LINC02747: variants seen among roughly 807,000 people sequenced by gnomAD.
The protein encoded by LINC02747 is CCND1-upstream intergenic DNA repair 2.
chr11:69,476,853 T>G (rs1857000708), exon 2 of LINC02747: 1 of 152,126 alleles, frequency 6.6e-6, no homozygotes, highest in Admixed American at 6.5e-5. Context: ...ACATAGCGGG[T>G]GAGGGTTCCT....
At chr11:69,481,125 G>A (rs958881839) in intron 1 of LINC02747, among the ~76,000 whole-genome samples, 9 of 152,210 alleles carry the variant, frequency 5.9e-5, no homozygotes, top group East Asian at 1.9e-4. Flanking sequence ...CCCTCCTTCC[G>A]TCAGAGCAGC....
chr11:69,480,354 G>A (rs114133739), intron 1 of LINC02747, among the ~76,000 whole-genome samples: 245 of 152,302 alleles, frequency 1.6e-3, no homozygotes, highest in African/African-American at 5.6e-3. Context: ...CTGTGCTGGC[G>A]TGGAGAGGAG....
rs143296527 is a variant in LINC02747, at chr11:69,478,119, C to T, written n.121-506G>A. 1.1e-4 allele frequency among the ~76,000 whole-genome samples: 16 copies of T among 152,284 alleles called. 1 individual carries two copies. The East Asian group carries it at 2.1e-3, about 20-fold the overall frequency. On this transcript the variant is annotated intron_variant and non_coding_transcript_variant, in intron 1 of 1. Coordinates refer to ENST00000645449, the Ensembl canonical transcript of LINC02747. ...ATAACAAAATGGCTGCAGGTCATGC[C>T]GCTGCTCCATAGAAAACAGACCGGG...
At chr11:69,476,612 G>A (rs965664815) in exon 2 of LINC02747, 1 of 152,136 alleles carries the variant, frequency 6.6e-6, no homozygotes, top group Non-Finnish European at 1.5e-5. Context: ...CTGGGAGGAA[G>A]CCCATCTCTG....
At chr11:69,476,491 G>C (rs569061203) in exon 2 of LINC02747, 2 of 151,962 alleles carry the variant, frequency 1.3e-5, no homozygotes, top group African/African-American at 4.8e-5. Flanking sequence ...CCGAGAACCC[G>C]ATCACAGGCC....
chr11:69,480,711 G>C (rs1171262676), intron 1 of LINC02747, among the ~76,000 whole-genome samples: 1 of 152,232 alleles, frequency 6.6e-6, no homozygotes, highest in African/African-American at 2.4e-5. Flanking sequence ...GGTCACCACA[G>C]TGAGGACTCT....
At chr11:69,480,457 A>G (rs1857038642) in intron 1 of LINC02747, among the ~76,000 whole-genome samples, 1 of 152,190 alleles carries the variant, frequency 6.6e-6, no homozygotes, top group African/African-American at 2.4e-5. Context: ...TGCTGGAAAA[A>G]AAATTGCTCA....
intron 1 of LINC02747, among the ~76,000 whole-genome samples, chr11:69,478,330 C>T (rs147046781): frequency 6.6e-5 from 10 of 152,150 alleles, no homozygotes; most frequent in African/African-American, 9.6e-5. Context: ...GCACAGGTAC[C>T]GAGAGGGATC....
chr11:69,480,671 C>T (rs1565190941), intron 1 of LINC02747, among the ~76,000 whole-genome samples: 1 of 152,208 alleles, frequency 6.6e-6, no homozygotes, highest in Non-Finnish European at 1.5e-5. Flanking sequence ...ACTCCTCTTC[C>T]CTGCTATGAA....
At chr11:69,480,181 C>T (rs1590866961) in intron 1 of LINC02747, among the ~76,000 whole-genome samples, 1 of 152,192 alleles carries the variant, frequency 6.6e-6, no homozygotes, top group Non-Finnish European at 1.5e-5. Flanking sequence ...TTGGCCTCCT[C>T]TCTCCCAGGG....
Position 69,477,947 on chromosome 11 carries a change from G to A in LINC02747, n.121-334C>T, listed in dbSNP as rs149195262. Among the ~76,000 whole-genome samples the A allele has an allele frequency of 2.6e-3, 392 of 152,272 alleles. 1 individual carries two copies. Among genetic ancestry groups the A allele is most frequent in the Non-Finnish European group, 3.7e-3 (251 of 68,012 alleles). ...CCATGTGCAGGGCCCTTCTGAGCCC[G>A]TGGCCCCTGTGGTGGGGATGGGGCG... On this transcript the variant is annotated intron_variant and non_coding_transcript_variant, in intron 1 of 1. Transcript: ENST00000645449.
intron 1 of LINC02747, chr11:69,480,020 C>G (rs1565190798): frequency 6.6e-6 from 1 of 152,282 alleles, no homozygotes; most frequent in Non-Finnish European, 1.5e-5. Context: ...GTAAACATTA[C>G]TAAACTCATC....
intron 1 of LINC02747, among the ~76,000 whole-genome samples, chr11:69,479,281 A>AGAGAGAGAGAG (rs1460164469): frequency 2.1e-5 from 3 of 143,042 alleles, no homozygotes; most frequent in African/African-American, 5.2e-5. Flanking sequence ...AAAAAAAGAG[A>AGAGAGAGAGAG]GAGAGAGAGA....
At chr11:69,480,562 C>A (rs749521863) in intron 1 of LINC02747, among the ~76,000 whole-genome samples, 1 of 152,216 alleles carries the variant, frequency 6.6e-6, no homozygotes, top group Non-Finnish European at 1.5e-5. Context: ...ACCTGATAGT[C>A]CCACCCTCAG....
exon 2 of LINC02747, chr11:69,475,641 T>C (rs1856985872): frequency 6.6e-6 from 1 of 152,260 alleles, no homozygotes; most frequent in African/African-American, 2.4e-5. Flanking sequence ...CTCACAGTTC[T>C]GGAGGCTGGA....
At chr11:69,481,268 T>A (rs1007349556) in intron 1 of LINC02747, among the ~76,000 whole-genome samples, 21 of 152,324 alleles carry the variant, frequency 1.4e-4, no homozygotes, top group Non-Finnish European at 2.1e-4. Flanking sequence ...GGGCTTGTGA[T>A]GGCTGCCCTC....
At chr11:69,475,761 T>C (rs988280350) in exon 2 of LINC02747, 1 of 152,184 alleles carries the variant, frequency 6.6e-6, no homozygotes, top group Non-Finnish European at 1.5e-5. Context: ...TCTGGGCCTC[T>C]TCTTATCAGG....
intron 1 of LINC02747, among the ~76,000 whole-genome samples, chr11:69,480,372 C>T (rs950940909): frequency 2.0e-5 from 3 of 152,184 alleles, no homozygotes; most frequent in African/African-American, 4.8e-5. Context: ...GAGCTGGGGG[C>T]CCCTGGGTGT....
At chr11:69,477,858 GTGCAAGACGAAAA>G (rs1479420971) in intron 1 of LINC02747, among the ~76,000 whole-genome samples, 1 of 152,134 alleles carries the variant, frequency 6.6e-6, no homozygotes, top group Non-Finnish European at 1.5e-5. Flanking sequence ...GTGGAGCCCT[GTGCAAGACGAAAA>G]TGCAAGATGA....
Sources: gnomAD v4.1 joint callset for allele counts (sites outside exome capture counted in the v4.1 genomes callset) on GRCh38, gnomAD v4.1.1 for gene constraint, MANE v1.5 for transcripts, NCBI Gene and HGNC (gene_info 2026-07-23, HGNC 2026-07-21) for gene names.